The following FBXL13 variants were observed in gnomAD, a reference collection of about 807,000 sequenced individuals.
FBXL13 encodes the protein F-box and leucine-rich repeat protein 13.
FBXL13 carries 67 observed loss-of-function variants against 83.6 expected under a neutral mutation model. The ratio of observed to expected loss-of-function variants is 0.80; its 90% confidence interval spans 0.66 to 0.98. The LOEUF (loss-of-function observed/expected upper bound fraction) is 0.98. Ranked by LOEUF, FBXL13 falls within the 50% of genes least tolerant of loss-of-function variation. The pLI, the probability that FBXL13 is intolerant of heterozygous loss-of-function variation, is 0.00. For missense variants in FBXL13, 822 were observed against 866.5 expected, an observed-to-expected ratio of 0.95 and a Z score of 0.64; for synonymous variants, 272 against 299.5, an observed-to-expected ratio of 0.91 and a Z score of 0.95.
intron 18 of FBXL13, among the ~76,000 whole-genome samples, chr7:102,827,559 G>A (rs1799949012): frequency 1.3e-5 from 2 of 151,770 alleles, no homozygotes; most frequent in South Asian, 2.1e-4. Context: ...AAGTTTTAGG[G>A]TACATGTGCA....
chr7:102,958,279 C>T (rs1824611494), intron 8 of FBXL13, among the ~76,000 whole-genome samples: 1 of 151,640 alleles, frequency 6.6e-6, no homozygotes, highest in South Asian at 2.1e-4. Context: ...AGCAAACTAT[C>T]ACAAGGACAG....
chr7:102,857,659 C>G (rs1321344165), intron 16 of FBXL13: 1 of 152,098 alleles, frequency 6.6e-6, no homozygotes, highest in Admixed American at 6.5e-5. Flanking sequence ...GCTGCACTCC[C>G]CTGCTTGAAC....
At chr7:102,937,063 C>T (rs891878573) in intron 8 of FBXL13, among the ~76,000 whole-genome samples, 8 of 152,148 alleles carry the variant, frequency 5.3e-5, no homozygotes, top group Admixed American at 3.9e-4. Context: ...TTTAAAAATA[C>T]ACATTATTTA....
chr7:102,829,027 C>T (rs1289161432), intron 18 of FBXL13, among the ~76,000 whole-genome samples: 1 of 152,182 alleles, frequency 6.6e-6, no homozygotes, highest in East Asian at 1.9e-4. Context: ...ACTGGAACAG[C>T]CAGGCTCTGT....
At chr7:102,942,708 G>C (rs933397110) in intron 8 of FBXL13, among the ~76,000 whole-genome samples, 1 of 152,102 alleles carries the variant, frequency 6.6e-6, no homozygotes, top group Non-Finnish European at 1.5e-5. Context: ...GCAAGACATT[G>C]CTTGGTACCA....
intron 18 of FBXL13, among the ~76,000 whole-genome samples, chr7:102,827,680 C>T (rs902481089): frequency 3.3e-5 from 5 of 152,118 alleles, no homozygotes; most frequent in Non-Finnish European, 5.9e-5. Flanking sequence ...TCCCCCCTCC[C>T]GCCACCCCAC....
chr7:103,007,138 T>C (rs985319537), intron 6 of FBXL13, among the ~76,000 whole-genome samples: 8 of 152,134 alleles, frequency 5.3e-5, no homozygotes, highest in Non-Finnish European at 8.8e-5. Flanking sequence ...TTTGTATAAC[T>C]GGAGTCCCAA....
intron 8 of FBXL13, among the ~76,000 whole-genome samples, chr7:102,953,540 A>G (rs1348528287): frequency 2.0e-5 from 3 of 152,196 alleles, no homozygotes; most frequent in Non-Finnish European, 4.4e-5. Flanking sequence ...GAAAAGAAAA[A>G]AAAGGGAGAA....
At chr7:102,902,854 T>A (rs1485928069) in intron 11 of FBXL13, among the ~76,000 whole-genome samples, 4 of 152,204 alleles carry the variant, frequency 2.6e-5, no homozygotes, top group Admixed American at 2.6e-4. Flanking sequence ...AGTTAGGTAA[T>A]GTGATTCTTC....
At chr7:102,845,137 C>T (rs1361550585) in intron 17 of FBXL13, among the ~76,000 whole-genome samples, 1 of 152,126 alleles carries the variant, frequency 6.6e-6, no homozygotes, top group Non-Finnish European at 1.5e-5. Flanking sequence ...GCTCAATCTC[C>T]AGCCCCTCTC....
intron 14 of FBXL13, among the ~76,000 whole-genome samples, chr7:102,879,624 T>C (rs1809751154): frequency 6.6e-6 from 1 of 152,232 alleles, no homozygotes; most frequent in Non-Finnish European, 1.5e-5. Flanking sequence ...TGTTTTTTAA[T>C]ACACAAGCTG....
intron 6 of FBXL13, among the ~76,000 whole-genome samples, chr7:103,018,334 C>G (rs200165202): frequency 6.6e-6 from 1 of 152,012 alleles, no homozygotes; most frequent in African/African-American, 2.4e-5. Flanking sequence ...GCACTAAACA[C>G]GGAAAGGAAC....
chr7:103,033,115 A>G (rs1039850821), intron 2 of FBXL13, among the ~76,000 whole-genome samples: 8 of 152,198 alleles, frequency 5.3e-5, no homozygotes, highest in African/African-American at 1.9e-4. Flanking sequence ...CTAAAAGTCA[A>G]TTTAAATATT....
intron 8 of FBXL13, among the ~76,000 whole-genome samples, chr7:102,955,989 T>C (rs1824203127): frequency 6.6e-6 from 1 of 152,108 alleles, no homozygotes; most frequent in Non-Finnish European, 1.5e-5. Flanking sequence ...TCTGAAACTA[T>C]TCCAATCAAC....
At chr7:103,020,494 G>T (rs1386965770) in intron 6 of FBXL13, among the ~76,000 whole-genome samples, 1 of 152,150 alleles carries the variant, frequency 6.6e-6, no homozygotes, top group Non-Finnish European at 1.5e-5. Flanking sequence ...GCAAGAGAAA[G>T]AAATAAAGGG....
At chr7:103,043,926 C>T (rs1796011769) in intron 2 of FBXL13, among the ~76,000 whole-genome samples, 1 of 152,190 alleles carries the variant, frequency 6.6e-6, no homozygotes, top group African/African-American at 2.4e-5. Context: ...ATTATATGCA[C>T]ATTGTAGGAT....
At chr7:102,812,052 A>C (rs1289210362), downstream of FBXL13, among the ~76,000 whole-genome samples, 1 of 152,224 alleles carries the variant, frequency 6.6e-6, no homozygotes, top group Admixed American at 6.5e-5. Flanking sequence ...GGATACAAAA[A>C]GAGAATTAAC....
chr7:103,068,578 G>T (rs1798617543), intron 1 of FBXL13, among the ~76,000 whole-genome samples: 1 of 152,220 alleles, frequency 6.6e-6, no homozygotes, highest in South Asian at 2.1e-4. Context: ...AAATTTTTCT[G>T]AAGTGAGCTG....
intron 17 of FBXL13, among the ~76,000 whole-genome samples, chr7:102,835,803 G>C (rs1167568329): frequency 6.6e-6 from 1 of 151,092 alleles, no homozygotes; most frequent in Admixed American, 6.6e-5. Context: ...TAGAGACGGG[G>C]TTTCACCGTT....
Sources: gnomAD v4.1 joint callset for allele counts (sites outside exome capture counted in the v4.1 genomes callset) on GRCh38, gnomAD v4.1.1 for gene constraint, MANE v1.5 for transcripts, NCBI Gene and HGNC (gene_info 2026-07-23, HGNC 2026-07-21) for gene names.